The following TMEM217 variants were observed in gnomAD, a reference collection of about 807,000 sequenced individuals.
TMEM217 encodes transmembrane protein 217.
For missense variants in TMEM217, 204 were observed against 248.8 expected (o/e 0.82, Z 1.21); for synonymous variants, 76 against 88.3 (o/e 0.86, Z 0.78).
At chr6:37,217,254 A>G (rs113746224), downstream of TMEM217, among the ~76,000 whole-genome samples, 545 of 152,366 alleles carry the variant, frequency 3.6e-3, 3 homozygotes, top group African/African-American at 0.01. Context: ...AGGTCGCACC[A>G]TTGCACTCTG....
At chr6:37,251,425 T>C (rs1191146677) in intron 1 of TMEM217, among the ~76,000 whole-genome samples, 2 of 152,224 alleles carry the variant, frequency 1.3e-5, no homozygotes, top group African/African-American at 4.8e-5. Flanking sequence ...GAATGTTGAA[T>C]GAGCAATGCT....
At chr6:37,212,628 G>A in exon 4 of TMEM217, 2 of 519,542 alleles carry the variant, frequency 3.8e-6, no homozygotes, top group Non-Finnish European at 7.5e-6. Flanking sequence ...GCGTCTTGAA[G>A]TGATCTTTGA....
At chr6:37,243,148 C>T (rs916773134) in intron 1 of TMEM217, among the ~76,000 whole-genome samples, 1 of 152,162 alleles carries the variant, frequency 6.6e-6, no homozygotes, top group Non-Finnish European at 1.5e-5. Context: ...AAGGAAATAA[C>T]TAATAAAGTC....
At chr6:37,238,890 G>A (rs1764621217) in intron 1 of TMEM217, among the ~76,000 whole-genome samples, 1 of 152,220 alleles carries the variant, frequency 6.6e-6, no homozygotes, top group African/African-American at 2.4e-5. Context: ...CAGCAGTTTA[G>A]GAGGCCAAGG....
intron 1 of TMEM217, among the ~76,000 whole-genome samples, chr6:37,238,324 TTATGCCAAGGAGTAGCTACTA>T (rs1269172304): frequency 2.6e-5 from 4 of 152,216 alleles, no homozygotes; most frequent in Non-Finnish European, 5.9e-5. Flanking sequence ...TATTTTTACT[TTATGCCAAGGAGTAGCTACTA>T]TTTATTATGC....
At chr6:37,215,212 T>C (rs139688522), downstream of TMEM217, 16 of 1,613,850 alleles carry the variant, frequency 9.9e-6, no homozygotes, top group East Asian at 1.8e-4. Context: ...CAGACATCTA[T>C]TGTGTATCTA....
chr6:37,212,619 C>T (rs751184214), exon 4 of TMEM217: 11 of 503,144 alleles, frequency 2.2e-5, no homozygotes, highest in South Asian at 4.6e-5. Flanking sequence ...AATAACTCAG[C>T]GTCTTGAAGT....
chr6:37,219,299 C>T (rs776775270), intron 1 of TMEM217, among the ~76,000 whole-genome samples: 5 of 152,148 alleles, frequency 3.3e-5, no homozygotes, highest in Non-Finnish European at 7.4e-5. Flanking sequence ...ACCTTAGAAT[C>T]ACCAAAAGTA....
intron 1 of TMEM217, among the ~76,000 whole-genome samples, chr6:37,247,909 G>A (rs548605537): frequency 2.6e-5 from 4 of 152,222 alleles, no homozygotes; most frequent in South Asian, 2.1e-4. Flanking sequence ...CATAGTTCTC[G>A]GGAGATGGGG....
At chr6:37,218,124 A>G in exon 2 of TMEM217, 2 of 1,059,838 alleles carry the variant, frequency 1.9e-6, no homozygotes, top group Non-Finnish European at 2.3e-6. Flanking sequence ...TATGGGAAAG[A>G]AAAGGGCCAA....
intron 1 of TMEM217, among the ~76,000 whole-genome samples, chr6:37,244,470 C>T (rs1764950234): frequency 6.6e-6 from 1 of 152,242 alleles, no homozygotes; most frequent in Non-Finnish European, 1.5e-5. Context: ...GCCTCCAATC[C>T]TTGGCCTATA....
At chr6:37,232,403 T>C (rs1764251576) in intron 1 of TMEM217, among the ~76,000 whole-genome samples, 2 of 152,240 alleles carry the variant, frequency 1.3e-5, no homozygotes, top group Admixed American at 1.3e-4. Flanking sequence ...TTCTTTTTTT[T>C]GAGACGGAGT....
chr6:37,243,699 A>T (rs762212842), intron 1 of TMEM217, among the ~76,000 whole-genome samples: 5 of 152,144 alleles, frequency 3.3e-5, no homozygotes, highest in Non-Finnish European at 7.3e-5. Flanking sequence ...CCTGGGTTCA[A>T]GCGATTCTCC....
intron 1 of TMEM217, among the ~76,000 whole-genome samples, chr6:37,237,189 T>C (rs959519012): frequency 5.9e-5 from 9 of 152,224 alleles, no homozygotes; most frequent in Non-Finnish European, 1.0e-4. Context: ...TTAAAGAATT[T>C]GCCAAGATGT....
downstream of TMEM217, among the ~76,000 whole-genome samples, chr6:37,213,466 G>A (rs1023318720): frequency 6.6e-6 from 1 of 152,220 alleles, no homozygotes; most frequent in Non-Finnish European, 1.5e-5. Flanking sequence ...CAAGTCCTTA[G>A]AAATTTCCCT....
At chr6:37,215,570 C>CGAAAAAAAAAAAAAA (rs1763146807), downstream of TMEM217, among the ~76,000 whole-genome samples, 1 of 72,368 alleles carries the variant, frequency 1.4e-5, no homozygotes, top group African/African-American at 6.0e-5. Flanking sequence ...GACTCTGTCT[C>CGAAAAAAAAAAAAAA]AAAAAAAAAA....
At position 37,218,485 on chromosome 6, in the gene TMEM217, TA is replaced by T; in HGVS notation, c.545del (p.Leu182TyrfsTer26). 2 of 1,614,070 alleles carry T rather than the reference TA, an allele frequency of 1.2e-6. No homozygotes were observed. The highest frequency in any genetic ancestry group is 1.7e-6 in the Non-Finnish European group (2 of 1,179,990). On this transcript the variant is annotated frameshift_variant, in exon 2 of 2. Transcript: ENST00000357219. LOFTEE classifies it high-confidence loss of function. The stretch of plus-strand genomic sequence containing the variant: ...AGCCACTGAACCCACTCGAAATTGA[TA>T]ATCTTTTATTTCTGCTGTGGAGAAT...
At chr6:37,229,346 T>TTTTTTG (rs1562010327) in intron 1 of TMEM217, among the ~76,000 whole-genome samples, 1 of 128,202 alleles carries the variant, frequency 7.8e-6, no homozygotes, top group Non-Finnish European at 1.6e-5. Flanking sequence ...TTTTTTTTTT[T>TTTTTTG]TTTTTTTTTT....
At chr6:37,225,927 C>A (rs116304158) in intron 1 of TMEM217, among the ~76,000 whole-genome samples, 1 of 152,306 alleles carries the variant, frequency 6.6e-6, no homozygotes, top group Non-Finnish European at 1.5e-5. Flanking sequence ...TGATCTATGA[C>A]CTACCCTATC....
Sources: gnomAD v4.1 joint callset for allele counts (sites outside exome capture counted in the v4.1 genomes callset) on GRCh38, gnomAD v4.1.1 for gene constraint, MANE v1.5 for transcripts, NCBI Gene and HGNC (gene_info 2026-07-23, HGNC 2026-07-21) for gene names.